Variants in RBFOX1 observed in about 807,000 individuals in gnomAD.
RBFOX1 encodes RNA binding protein fox-1 homolog 1.
A neutral mutation model predicts 57.7 loss-of-function variants in RBFOX1; 8 were observed. The observed-to-expected ratio is 0.14, with a 90% CI of 0.08 to 0.25. The LOEUF (loss-of-function observed/expected upper bound fraction) is 0.25. Ranked by LOEUF, RBFOX1 falls within the 10% of genes least tolerant of loss-of-function variation. The pLI, the probability that RBFOX1 is intolerant of heterozygous loss-of-function variation, is 1.00. For synonymous variants in RBFOX1, 326 were observed against 222.4 expected (o/e 1.47, Z -4.15); for missense variants, 611 against 548.5 (o/e 1.11, Z -1.14).
At chr16:6,643,362 A>G (rs991591388) in intron 2 of RBFOX1, among the ~76,000 whole-genome samples, 1 of 152,192 alleles carries the variant, frequency 6.6e-6, no homozygotes, top group Non-Finnish European at 1.5e-5. Context: ...CAAACATTTT[A>G]TACTATTCTT....
chr16:7,199,756 T>A (rs2087799903), intron 4 of RBFOX1, among the ~76,000 whole-genome samples: 1 of 152,166 alleles, frequency 6.6e-6, no homozygotes, highest in Non-Finnish European at 1.5e-5. Flanking sequence ...TAGCTGGGCA[T>A]GGTGGCAGGC....
intron 2 of RBFOX1, among the ~76,000 whole-genome samples, chr16:6,363,440 C>T (rs17436582): frequency 6.6e-6 from 1 of 152,182 alleles, no homozygotes; most frequent in Admixed American, 6.5e-5. Flanking sequence ...GTCAAAGGGA[C>T]TGGAGACTGA....
At chr16:6,551,005 C>T (rs1018290859) in intron 2 of RBFOX1, among the ~76,000 whole-genome samples, 6 of 152,126 alleles carry the variant, frequency 3.9e-5, no homozygotes, top group South Asian at 2.1e-4. Flanking sequence ...CACAGGAGAA[C>T]AGTGAGCTGA....
intron 1 of RBFOX1, chr16:6,037,579 T>G (rs971281919): frequency 3.3e-5 from 5 of 152,120 alleles, no homozygotes; most frequent in African/African-American, 4.8e-5. Context: ...TTTTTTCTTT[T>G]TTTTGTTTTG....
chr16:6,018,395 T>C (rs554768921), upstream of RBFOX1, among the ~76,000 whole-genome samples: 1 of 152,300 alleles, frequency 6.6e-6, no homozygotes. Context: ...AAACAGCATC[T>C]GGTGGAAAGT....
chr16:6,341,305 G>T (rs544269754), intron 2 of RBFOX1, among the ~76,000 whole-genome samples: 5 of 152,208 alleles, frequency 3.3e-5, no homozygotes, highest in African/African-American at 1.2e-4. Flanking sequence ...ACAATGGCAG[G>T]TTGAGTCTCT....
intron 1 of RBFOX1, among the ~76,000 whole-genome samples, chr16:5,315,986 C>A (rs1003578377): frequency 6.6e-6 from 1 of 152,152 alleles, no homozygotes; most frequent in Non-Finnish European, 1.5e-5. Flanking sequence ...GTCTCAAGTT[C>A]CACCTACAGT....
At chr16:7,049,328 G>GA (rs1170760925) in intron 3 of RBFOX1, among the ~76,000 whole-genome samples, 1 of 152,150 alleles carries the variant, frequency 6.6e-6, no homozygotes, top group Non-Finnish European at 1.5e-5. Context: ...CCAACCTCTT[G>GA]AGACCACAGT....
In RBFOX1 at chr16:5,392,864, A is replaced by G. The variant is rs182705733; in HGVS notation, c.220-74352A>G. On this transcript the variant is annotated intron_variant, in intron 1 of 2. Coordinates refer to the RBFOX1 transcript ENST00000585867. ...CAGACTCCTGTCTCCTCTGTCTGCA[A>G]CTTGGGCTGTTCAGAATCTTTACAT... 2.5e-4 allele frequency among the ~76,000 whole-genome samples: 38 copies of G among 152,260 alleles called. No individual in the cohort carries two copies. In the East Asian group the frequency reaches 6.4e-3, roughly 26 times the overall value.
Position 6,582,109 on chromosome 16 carries a change from G to C in RBFOX1, c.-63-72494G>C, listed in dbSNP as rs56210277. Among the ~76,000 whole-genome samples, 1,245 of 152,080 alleles carry C rather than the reference G, an allele frequency of 8.2e-3. 14 individuals carry two copies. Among genetic ancestry groups the C allele is most frequent in the African/African-American group, 0.029 (1,184 of 41,498 alleles). On this transcript the variant is annotated intron_variant, in intron 2 of 15. Transcript: ENST00000550418. ...AATTATTGGGTTCAAAATGGCAATA[G>C]CATTGAGGCTGAGAAAGCTGATTTA...
At chr16:5,590,563 A>G (rs1017877563) in intron 2 of RBFOX1, among the ~76,000 whole-genome samples, 2 of 152,118 alleles carry the variant, frequency 1.3e-5, no homozygotes, top group African/African-American at 4.8e-5. Flanking sequence ...CCGTACTGTG[A>G]TTCGGGGCGT....
At chr16:7,048,902 C>A (rs1248777592) in intron 3 of RBFOX1, among the ~76,000 whole-genome samples, 1 of 152,118 alleles carries the variant, frequency 6.6e-6, no homozygotes, top group Non-Finnish European at 1.5e-5. Context: ...TGCATTCAGG[C>A]TGAAAGCTCT....
intron 2 of RBFOX1, among the ~76,000 whole-genome samples, chr16:5,521,553 C>T (rs2044016541): frequency 6.6e-6 from 1 of 152,140 alleles, no homozygotes; most frequent in Non-Finnish European, 1.5e-5. Context: ...AGTGAGGCCG[C>T]CATGATTGGC....
intron 3 of RBFOX1, chr16:5,611,383 C>T (rs555219246): frequency 2.6e-5 from 4 of 152,162 alleles, no homozygotes; most frequent in African/African-American, 7.2e-5. Flanking sequence ...ACTGCAACCC[C>T]AGCATCACCT....
At chr16:6,258,728 C>T (rs189595852) in intron 1 of RBFOX1, among the ~76,000 whole-genome samples, 2 of 152,188 alleles carry the variant, frequency 1.3e-5, no homozygotes, top group Admixed American at 1.3e-4. Context: ...AATAATCATT[C>T]CATTGTAGAT....
chr16:5,862,875 G>T (rs942403214), intron 3 of RBFOX1, among the ~76,000 whole-genome samples: 4 of 152,158 alleles, frequency 2.6e-5, no homozygotes, highest in African/African-American at 9.7e-5. Flanking sequence ...CAGAGCCCCA[G>T]ACAGTGTTTG....
intron 2 of RBFOX1, among the ~76,000 whole-genome samples, chr16:6,543,535 C>G (rs142469950): frequency 3.3e-5 from 5 of 152,106 alleles, no homozygotes; most frequent in Non-Finnish European, 5.9e-5. Flanking sequence ...TTGGGCTTTG[C>G]GCTTTTTATA....
At chr16:6,677,842 C>G (rs2058006398) in intron 3 of RBFOX1, among the ~76,000 whole-genome samples, 1 of 152,000 alleles carries the variant, frequency 6.6e-6, no homozygotes, top group African/African-American at 2.4e-5. Context: ...TGACTTTTAC[C>G]CCATAAAATT....
intron 3 of RBFOX1, among the ~76,000 whole-genome samples, chr16:5,711,719 A>C (rs2051494529): frequency 6.6e-6 from 1 of 152,182 alleles, no homozygotes; most frequent in Admixed American, 6.5e-5. Context: ...GAAAATGGGA[A>C]TTCAATAAAA....
Sources: allele counts gnomAD v4.1 joint callset (sites outside exome capture counted in the v4.1 genomes callset), GRCh38; gene constraint gnomAD v4.1.1; transcripts MANE v1.5; gene names NCBI Gene and HGNC (gene_info 2026-07-23, HGNC 2026-07-21).